Variants in SYNPO observed in about 807,000 individuals in gnomAD.
SYNPO encodes synaptopodin.
Under a neutral mutation model 49.5 loss-of-function variants are expected in SYNPO, and 19 were observed. The ratio of observed to expected loss-of-function variants is 0.38; its 90% confidence interval spans 0.27 to 0.56. The LOEUF (loss-of-function observed/expected upper bound fraction) is 0.56, where lower values mean the gene tolerates loss of function less well. Ranked by LOEUF, SYNPO falls within the 20% of genes least tolerant of loss-of-function variation. The pLI, the probability that SYNPO is intolerant of heterozygous loss-of-function variation, is 0.68. For missense variants in SYNPO, 1,131 were observed against 1,248.3 expected, an observed-to-expected ratio of 0.91 and a Z score of 1.42; for synonymous variants, 536 against 548.0, an observed-to-expected ratio of 0.98 and a Z score of 0.31.
At chr5:150,620,893 TTTTTTCTCTTTC>T (rs1369803106) in intron 2 of SYNPO, among the ~76,000 whole-genome samples, 3 of 138,268 alleles carry the variant, frequency 2.2e-5, no homozygotes, top group African/African-American at 8.1e-5. Flanking sequence ...CTTTTTTTCT[TTTTTTCTCTTTC>T]TTTCTTTCTT....
chr5:150,601,691 C>A (rs1300483912), intron 1 of SYNPO, among the ~76,000 whole-genome samples: 1 of 152,176 alleles, frequency 6.6e-6, no homozygotes, highest in African/African-American at 2.4e-5. Flanking sequence ...CTACCTGTCA[C>A]CCAGAGCTTG....
chr5:150,650,773 G>C lies in SYNPO; in HGVS notation c.2028+470G>C. On this transcript the variant is annotated intron_variant, in intron 2 of 2. Transcript: ENST00000307662. The stretch of plus-strand genomic sequence containing the variant: ...AGCCAGCCGAGGGTCTGCCTCCTCA[G>C]CTGCCCCAGGGGGGCCTCCCTCCTG... 11 of 1,277,786 alleles carry C rather than the reference G, an allele frequency of 8.6e-6. No individual in the cohort carries two copies. The South Asian group carries it at 2.2e-4, about 25-fold the overall frequency. The allele number at this position is 1,277,786 out of a possible 1,614,324, so 79.2% of individuals were successfully genotyped here.
chr5:150,649,974 C>T lies in SYNPO; in HGVS notation c.1699C>T (p.Leu567=), dbSNP rs547539167. 4.3e-6 allele frequency: 7 copies of T among 1,612,930 alleles called. No homozygotes were observed. In the South Asian group the frequency reaches 7.7e-5, roughly 18 times the overall value. Residue 567 remains leucine, a synonymous_variant, in exon 2 of 3, where the codon CTG becomes TTG. Transcript: ENST00000307662. ...GCCCACCAAGCAGCCGCCATACCAG[C>T]TGCGCCCCTCGCTCTTTGTCCTCTC... is the stretch of plus-strand genomic sequence containing the variant. ...PEPTKQPPYQ[L]RPSLFVLSPI... is the part of the protein sequence containing the mutation.
chr5:150,658,855 A>G lies in SYNPO; in HGVS notation c.*1768A>G, dbSNP rs1758660230. 8.1e-6 allele frequency: 1 copy of G among 122,756 alleles called. No homozygotes were observed. The highest frequency in any genetic ancestry group is 3.1e-5 in the African/African-American group (1 of 32,764). 7.6% of individuals were successfully genotyped at this position (122,756 alleles called of 1,614,324 possible). A position where few individuals can be genotyped will look rare whatever the true frequency, so the allele number is the denominator to read the frequency against. On this transcript the variant is annotated 3_prime_UTR_variant, in exon 3 of 3. Coordinates refer to ENST00000307662, the MANE Select transcript of SYNPO (RefSeq NM_007286.6). Reference sequence around the variant, plus strand: ...ATGCTCCTGCTGCTGTGAAGATGAGAAGGTGCTCTTACTCAGTTAATGATG... The same window carrying G: ...ATGCTCCTGCTGCTGTGAAGATGAGGAGGTGCTCTTACTCAGTTAATGATG...
chr5:150,600,218 G>A (rs1756496691), upstream of SYNPO, among the ~76,000 whole-genome samples: 1 of 152,256 alleles, frequency 6.6e-6, no homozygotes, highest in South Asian at 2.1e-4. Flanking sequence ...CAGGTCTGTT[G>A]GGATCTGCCG....
At chr5:150,588,557 C>T in the SYNPO span, among the ~76,000 whole-genome samples, 3 of 152,058 alleles carry the variant, frequency 2.0e-5, no homozygotes, top group Non-Finnish European at 2.9e-5. Flanking sequence ...CTCAGAGCCC[C>T]AGACACCCAG....
intron 2 of SYNPO, among the ~76,000 whole-genome samples, chr5:150,625,764 C>T (rs893484246): frequency 6.6e-6 from 1 of 152,062 alleles, no homozygotes; most frequent in African/African-American, 2.4e-5. Context: ...AAGTTATGGG[C>T]GTATTCCGGA....
Position 150,623,992 on chromosome 5 carries a change from G to A in SYNPO, c.400+5225G>A, listed in dbSNP as rs569192735. Reference sequence around the variant, plus strand: ...CAATGGGAGTGGTGCTGGAATGTGGGTATCTGGACTTTTAACAGCATCCCA... The same window carrying A: ...CAATGGGAGTGGTGCTGGAATGTGGATATCTGGACTTTTAACAGCATCCCA... On this transcript the variant is annotated intron_variant, in intron 2 of 2. Transcript: ENST00000394243. Among the ~76,000 whole-genome samples, 5 of 152,326 alleles carry A rather than the reference G, an allele frequency of 3.3e-5. No homozygotes were observed. The South Asian group carries it at 8.3e-4, about 25-fold the overall frequency.
chr5:150,611,766 A>C (rs1756854722), intron 1 of SYNPO, among the ~76,000 whole-genome samples: 1 of 152,212 alleles, frequency 6.6e-6, no homozygotes. Context: ...CCGTGGGATC[A>C]TGGTGGACAT....
At chr5:150,618,449 G>A (rs1757042571) in exon 2 of SYNPO, 3 of 1,551,554 alleles carry the variant, frequency 1.9e-6, no homozygotes, top group East Asian at 4.9e-5. Context: ...GATCCCTGAT[G>A]GAAGCTACAG....
At chr5:150,618,098 G>A (rs1039100465) in intron 1 of SYNPO, 37 of 397,448 alleles carry the variant, frequency 9.3e-5, no homozygotes, top group Non-Finnish European at 6.7e-5. Context: ...TCCCTATGCC[G>A]ATAGATTGCC....
chr5:150,627,904 CA>C (rs1757409796), intron 2 of SYNPO, among the ~76,000 whole-genome samples: 1 of 152,052 alleles, frequency 6.6e-6, no homozygotes, highest in African/African-American at 2.4e-5. Context: ...GTTGCATCCC[CA>C]GGGGCTTCAG....
the SYNPO span, among the ~76,000 whole-genome samples, chr5:150,592,638 A>G: frequency 6.6e-6 from 1 of 152,244 alleles, no homozygotes; most frequent in African/African-American, 2.4e-5. Flanking sequence ...CTAGTGTAAG[A>G]CAGCAATCTT....
At chr5:150,635,779 G>A (rs1268687265), upstream of SYNPO, among the ~76,000 whole-genome samples, 1 of 152,122 alleles carries the variant, frequency 6.6e-6, no homozygotes, top group Admixed American at 6.5e-5. Context: ...TTTCTTATTC[G>A]TGTCCTACCT....
At chr5:150,651,472 GAAGA>G in intron 2 of SYNPO, 1 of 1,000,714 alleles carries the variant, frequency 1.0e-6, no homozygotes, top group Non-Finnish European at 1.2e-6. Context: ...AGTCCCCTGG[GAAGA>G]AAGAGAAAGG....
chr5:150,650,186 G>C lies in SYNPO; in HGVS notation c.1911G>C (p.Val637=), dbSNP rs1483531062. The C allele has an allele frequency of 6.2e-7, 1 of 1,613,988 alleles. No homozygotes were observed. The change falls in exon 2 of 3, where the codon GTG becomes GTC. Residue 637 remains valine, a synonymous_variant. Transcript: ENST00000307662. ...PGQDSLQPTA[V]SPPYGGDISP... is the part of the protein sequence containing the mutation. ...AGGACAGCCTGCAGCCCACTGCCGTGAGCCCTCCTTACGGCGGTGACATCT... is the reference window on the plus strand; with the variant it reads ...AGGACAGCCTGCAGCCCACTGCCGTCAGCCCTCCTTACGGCGGTGACATCT...
chr5:150,618,901 T>A, intron 2 of SYNPO: 4 of 1,166,402 alleles, frequency 3.4e-6, no homozygotes, highest in East Asian at 2.6e-5. Context: ...ATGCCCAGAT[T>A]AACAGCTGTG....
chr5:150,649,879 G>A lies in SYNPO; in HGVS notation c.1604G>A (p.Ser535Asn). Residue 535 changes from serine (S) to asparagine (N), a missense_variant, in exon 2 of 3, where the codon AGC (serine) becomes AAC (asparagine). Ser to Asn is a conservative substitution (Grantham distance 46). Coordinates refer to ENST00000307662, the MANE Select transcript of SYNPO (RefSeq NM_007286.6). ...GGGGCCTTCCGAGTGGCATCCCGAA[G>A]CCCAGCCCGGACCCCGCCTGCCTCC... ...APGAFRVASRSPARTPPASLY... is the reference protein window; with the variant it reads ...APGAFRVASRNPARTPPASLY... 1 of 1,609,568 alleles carries A rather than the reference G, an allele frequency of 6.2e-7. No individual in the cohort carries two copies. Among genetic ancestry groups the A allele is most frequent in the African/African-American group, 1.3e-5 (1 of 75,028 alleles).
At chr5:150,589,510 C>T in the SYNPO span, among the ~76,000 whole-genome samples, 1 of 152,242 alleles carries the variant, frequency 6.6e-6, no homozygotes. Context: ...CTTCCACAAA[C>T]AACCCTGCGA....
Sources: allele counts gnomAD v4.1 joint callset (sites outside exome capture counted in the v4.1 genomes callset), GRCh38; gene constraint gnomAD v4.1.1; transcripts MANE v1.5; gene names NCBI Gene and HGNC (gene_info 2026-07-23, HGNC 2026-07-21).